CRCP: variants seen among roughly 807,000 people sequenced by gnomAD.
CRCP encodes the protein DNA-directed RNA polymerase III subunit RPC9.
CRCP carries 18 observed loss-of-function variants against 18.5 expected under a neutral mutation model. The ratio of observed to expected loss-of-function variants is 0.97; its 90% CI spans 0.67 to 1.44. The LOEUF (loss-of-function observed/expected upper bound fraction) is 1.44, where lower values mean the gene tolerates loss of function less well. CRCP is among the 40% of genes most tolerant of loss of function. CRCP has a pLI of 0.00. For synonymous variants in CRCP, 53 were observed against 62.9 expected (o/e 0.84, Z 0.75); for missense variants, 130 against 176.4 (o/e 0.74, Z 1.49).
intron 3 of CRCP, among the ~76,000 whole-genome samples, chr7:66,131,855 G>A (rs1247741068): frequency 6.6e-6 from 1 of 150,936 alleles, no homozygotes; most frequent in East Asian, 1.9e-4. Flanking sequence ...TCTGGCTCCC[G>A]GGTTCAAGCG....
At chr7:66,123,244 G>T (rs945299270) in intron 1 of CRCP, among the ~76,000 whole-genome samples, 39 of 152,168 alleles carry the variant, frequency 2.6e-4, no homozygotes, top group African/African-American at 8.9e-4. Flanking sequence ...GTGAGCCACT[G>T]CGCCTGGCGT....
intron 4 of CRCP, 107 bp from the exon 5 acceptor site, chr7:66,145,336 C>A: frequency 9.0e-7 from 1 of 1,108,270 alleles, no homozygotes; most frequent in Non-Finnish European, 1.4e-6. Flanking sequence ...GGCCACACTC[C>A]AGTGGTTCTC....
At position 66,152,120 on chromosome 7, in the gene CRCP, C is replaced by T. The variant is rs553833961; in HGVS notation, c.298-88C>T. On this transcript the variant is annotated intron_variant, in intron 5 of 5. Transcript: ENST00000395326. The stretch of plus-strand genomic sequence containing the variant: ...CTGTGAGGTCTGTGTGCCAGGAGGC[C>T]GGGCTGAGACCATGAGCACAGTGGG... 6.5e-5 allele frequency: 97 copies of T among 1,482,752 alleles called. No individual in the cohort carries two copies. In the South Asian group the frequency reaches 7.1e-4, roughly 11 times the overall value. 91.8% of individuals were successfully genotyped at this position (1,482,752 alleles called of 1,614,324 possible). A position where few individuals can be genotyped will look rare whatever the true frequency, so the allele number is the denominator to read the frequency against.
intron 1 of CRCP, among the ~76,000 whole-genome samples, chr7:66,115,489 G>A (rs1787231896): frequency 6.6e-6 from 1 of 152,120 alleles, no homozygotes. Context: ...GTTTTGGGGT[G>A]GAGAAGGGAA....
At chr7:66,130,466 T>G (rs1787765836) in intron 2 of CRCP, among the ~76,000 whole-genome samples, 1 of 152,136 alleles carries the variant, frequency 6.6e-6, no homozygotes, top group Admixed American at 6.6e-5. Flanking sequence ...AGTATATTTT[T>G]GAGATCAGAT....
intron 3 of CRCP, among the ~76,000 whole-genome samples, chr7:66,132,998 T>C (rs1787855317): frequency 6.6e-6 from 1 of 152,100 alleles, no homozygotes; most frequent in Non-Finnish European, 1.5e-5. Context: ...GGGATTAAGC[T>C]TCACCTCTTG....
At chr7:66,126,232 C>T (rs570743494) in intron 1 of CRCP, among the ~76,000 whole-genome samples, 2 of 149,204 alleles carry the variant, frequency 1.3e-5, no homozygotes, top group Non-Finnish European at 3.0e-5. Flanking sequence ...CTTTGTGAAC[C>T]ACTGTTAGTT....
intron 4 of CRCP, among the ~76,000 whole-genome samples, chr7:66,140,322 A>G (rs1049634537): frequency 1.3e-5 from 2 of 150,256 alleles, no homozygotes; most frequent in Non-Finnish European, 1.5e-5. Context: ...CTCCCAGACC[A>G]CCTGCTTTTG....
intron 1 of CRCP, chr7:66,126,588 G>A (rs1230275892): frequency 4.8e-6 from 2 of 413,388 alleles, no homozygotes; most frequent in East Asian, 1.6e-4. Flanking sequence ...AGGGTTTTCA[G>A]TGAGAATTAA....
In CRCP at chr7:66,115,598, G is replaced by A. The variant is rs1787235762; in HGVS notation, c.8+628G>A. Among the ~76,000 whole-genome samples the A allele has an allele frequency of 2.6e-5, 4 of 152,120 alleles. No individual in the cohort carries two copies. In the South Asian group the frequency reaches 8.3e-4, roughly 32 times the overall value. On this transcript the variant is annotated intron_variant, in intron 1 of 5. Transcript: ENST00000395326. ...ATTTTCTGACAGTTTAACTCCACGTGGTCTTTTCCATGCTTGCTCGTTGCG... is the reference window on the plus strand; with the variant it reads ...ATTTTCTGACAGTTTAACTCCACGTAGTCTTTTCCATGCTTGCTCGTTGCG...
intron 3 of CRCP, among the ~76,000 whole-genome samples, chr7:66,131,069 G>T (rs1353973425): frequency 1.3e-5 from 2 of 152,164 alleles, no homozygotes; most frequent in African/African-American, 4.8e-5. Flanking sequence ...CCACCTCCCA[G>T]GTTCATGCCA....
At chr7:66,130,926 A>C in intron 3 of CRCP, 84 bp downstream of exon 3, 1 of 801,610 alleles carries the variant, frequency 1.2e-6, no homozygotes, top group Non-Finnish European at 2.1e-6. Flanking sequence ...AGCTGAAATT[A>C]AGATTGCTTT....
At chr7:66,128,417 T>C (rs2115913957) in intron 2 of CRCP, among the ~76,000 whole-genome samples, 1 of 152,314 alleles carries the variant, frequency 6.6e-6, no homozygotes, top group South Asian at 2.1e-4. Flanking sequence ...TTTTCCTAAT[T>C]ATCACCTTTG....
At position 66,152,518 on chromosome 7, in the gene CRCP, G is replaced by A; in HGVS notation, c.*161G>A. 1.3e-6 allele frequency: 1 copy of A among 747,562 alleles called. No homozygotes were observed. The highest frequency in any genetic ancestry group is 2.1e-6 in the Non-Finnish European group (1 of 475,570). 46.3% of individuals were successfully genotyped at this position (747,562 alleles called of 1,614,324 possible). On this transcript the variant is annotated 3_prime_UTR_variant, in exon 6 of 6. Coordinates refer to ENST00000395326, the MANE Select transcript of CRCP (RefSeq NM_014478.5). The stretch of plus-strand genomic sequence containing the variant: ...AAAAATAAGTTAAAAAGAAATATTT[G>A]TGCCTTGGGGAGAAGAAACATGGTG...
At chr7:66,142,949 G>A (rs2116012724) in intron 4 of CRCP, among the ~76,000 whole-genome samples, 1 of 152,200 alleles carries the variant, frequency 6.6e-6, no homozygotes, top group South Asian at 2.1e-4. Flanking sequence ...TTTAGTTTTA[G>A]ACCAAACTAG....
At chr7:66,138,404 A>T (rs900754753) in intron 4 of CRCP, among the ~76,000 whole-genome samples, 1 of 151,900 alleles carries the variant, frequency 6.6e-6, no homozygotes, top group Non-Finnish European at 1.5e-5. Context: ...TTAAAAAAAA[A>T]TTTTAATCCG....
Position 66,145,455 on chromosome 7 carries a change from C to T in CRCP, c.252C>T (p.Leu84=), listed in dbSNP as rs776513317. 1.2e-6 allele frequency: 2 copies of T among 1,613,908 alleles called. No homozygotes were observed. The highest frequency in any genetic ancestry group is 1.3e-5 in the African/African-American group (1 of 75,034). The change falls in exon 5 of 6, where the codon CTC becomes CTT. Residue 84 remains leucine (L), a synonymous_variant. Transcript: ENST00000395326. Reference sequence around the variant, plus strand: ...TTTCCCTCCACAGAGCTGAGAAGCTCCAGCTGCTGAACCACCGGCCTGTGA... The same window carrying T: ...TTTCCCTCCACAGAGCTGAGAAGCTTCAGCTGCTGAACCACCGGCCTGTGA... The part of the protein sequence containing the change: ...KSHKLTKAEK[L]QLLNHRPVTA...
At chr7:66,135,707 G>A (rs1361708194) in intron 4 of CRCP, among the ~76,000 whole-genome samples, 2 of 152,254 alleles carry the variant, frequency 1.3e-5, no homozygotes, top group Admixed American at 6.5e-5. Context: ...TGGATCACCT[G>A]AGGTTGGGAG....
chr7:66,133,187 A>G (rs1031613683), intron 3 of CRCP, among the ~76,000 whole-genome samples: 18 of 152,020 alleles, frequency 1.2e-4, no homozygotes, highest in Admixed American at 5.3e-4. Context: ...CTATGGTACA[A>G]TTGCCTAAGA....
Sources: gnomAD v4.1 joint callset for allele counts (sites outside exome capture counted in the v4.1 genomes callset) on GRCh38, gnomAD v4.1.1 for gene constraint, MANE v1.5 for transcripts, NCBI Gene and HGNC (gene_info 2026-07-23, HGNC 2026-07-21) for gene names.